GABRG3: variants seen among roughly 807,000 people sequenced by gnomAD.
GABRG3 encodes gamma-aminobutyric acid receptor subunit gamma-3.
In GABRG3, 25 loss-of-function variants were observed where a neutral mutation model predicts 48.8. The observed-to-expected ratio is 0.51, with a 90% CI of 0.37 to 0.72. The LOEUF (loss-of-function observed/expected upper bound fraction) is 0.72, where lower values mean the gene tolerates loss of function less well. Among genes scored for constraint, GABRG3 ranks in the 30% least tolerant of loss-of-function variants. The probability of loss-of-function intolerance (pLI) is 0.00; values close to 1 mark genes in which losing one functional copy is unlikely to be tolerated. For missense variants in GABRG3, 394 were observed against 577.9 expected, an observed-to-expected ratio of 0.68 and a Z score of 3.26; for synonymous variants, 227 against 217.6, an observed-to-expected ratio of 1.04 and a Z score of -0.38.
intron 3 of GABRG3, among the ~76,000 whole-genome samples, chr15:27,194,201 T>C (rs1386659824): frequency 6.6e-6 from 1 of 152,226 alleles, no homozygotes; most frequent in Admixed American, 6.5e-5. Flanking sequence ...AGTTTCTCCT[T>C]GCCTTTTGAA....
chr15:27,132,324 G>A (rs1443685163), intron 3 of GABRG3, among the ~76,000 whole-genome samples: 2 of 151,908 alleles, frequency 1.3e-5, no homozygotes, highest in South Asian at 4.1e-4. Flanking sequence ...GTGAAAGATA[G>A]GGGTCTAGTT....
In GABRG3 at chr15:27,039,060, G is replaced by A. The variant is rs116859149; in HGVS notation, c.270+12239G>A. Among the ~76,000 whole-genome samples the A allele has an allele frequency of 3.1e-4, 47 of 152,308 alleles. No homozygotes were observed. The East Asian group carries it at 7.9e-3, about 26-fold the overall frequency. On this transcript the variant is annotated intron_variant, in intron 3 of 9. Coordinates refer to ENST00000615808, the MANE Select transcript of GABRG3 (RefSeq NM_033223.5). ...GGTTGGGCTCCGTTACAAGTACAAC[G>A]GGGACGAGTGGGCACTGATGGCCAA...
At chr15:27,259,800 G>A (rs995134698) in intron 3 of GABRG3, among the ~76,000 whole-genome samples, 2 of 152,164 alleles carry the variant, frequency 1.3e-5, no homozygotes, top group African/African-American at 2.4e-5. Flanking sequence ...ATCTTGGAAG[G>A]TGGAAGGCAG....
chr15:27,204,083 C>T (rs76580946), intron 3 of GABRG3, among the ~76,000 whole-genome samples: 1,861 of 151,872 alleles, frequency 0.012, 18 homozygotes, highest in Middle Eastern at 0.02. Flanking sequence ...ATATTTTTGT[C>T]GGAATTGCTT....
chr15:27,240,126 C>A (rs1890090033), intron 3 of GABRG3, among the ~76,000 whole-genome samples: 1 of 152,214 alleles, frequency 6.6e-6, no homozygotes, highest in Admixed American at 6.5e-5. Context: ...CCACTGGGAT[C>A]TCTCACTTGC....
rs753931995 is a variant in GABRG3, at chr15:27,532,890, C to CAGAGTGA, written c.*21_*27dup. The CAGAGTGA allele has an allele frequency of 1.8e-5, 29 of 1,612,012 alleles. No individual in the cohort carries two copies. In the African/African-American group the frequency reaches 3.3e-4, roughly 19 times the overall value. Reference sequence around the variant, plus strand: ...GATACCTGTATCTCTAAGTGTTGCTCAGAGTGAAGAGTGAAGAGCATTTGG... The same window carrying CAGAGTGA: ...GATACCTGTATCTCTAAGTGTTGCTCAGAGTGAAGAGTGAAGAGTGAAGAGCATTTGG... On this transcript the variant is annotated 3_prime_UTR_variant, in exon 10 of 10. Coordinates refer to ENST00000615808, the MANE Select transcript of GABRG3 (RefSeq NM_033223.5).
chr15:27,101,801 C>T (rs1437715660), intron 3 of GABRG3, among the ~76,000 whole-genome samples: 1 of 128,958 alleles, frequency 7.8e-6, no homozygotes, highest in Non-Finnish European at 1.6e-5. Flanking sequence ...TTGTCTTAGG[C>T]CATAGATAAA....
At chr15:27,298,486 A>G (rs1892077960) in intron 3 of GABRG3, among the ~76,000 whole-genome samples, 1 of 152,098 alleles carries the variant, frequency 6.6e-6, no homozygotes, top group Non-Finnish European at 1.5e-5. Context: ...AGGTAGGGGA[A>G]TAGTCAATTA....
chr15:27,005,667 A>C (rs1895570498), intron 2 of GABRG3, among the ~76,000 whole-genome samples: 2 of 152,136 alleles, frequency 1.3e-5, no homozygotes, highest in Non-Finnish European at 2.9e-5. Context: ...CAAGGTGTCT[A>C]GTGTGAGCTT....
intron 3 of GABRG3, among the ~76,000 whole-genome samples, chr15:27,141,067 C>T (rs1218385705): frequency 6.6e-6 from 1 of 152,010 alleles, no homozygotes; most frequent in African/African-American, 2.4e-5. Context: ...TTCAGATGCC[C>T]TGCCTTAGAG....
At chr15:27,296,625 C>T (rs921589490) in intron 3 of GABRG3, among the ~76,000 whole-genome samples, 3 of 152,066 alleles carry the variant, frequency 2.0e-5, no homozygotes, top group East Asian at 1.9e-4. Context: ...AAATTCCTAT[C>T]GCCTAGTGAT....
chr15:27,401,868 T>C (rs759467980), intron 5 of GABRG3, among the ~76,000 whole-genome samples: 3 of 152,194 alleles, frequency 2.0e-5, no homozygotes, highest in Non-Finnish European at 2.9e-5. Context: ...AGGAGAATCA[T>C]GTCTTTTCAA....
intron 4 of GABRG3, among the ~76,000 whole-genome samples, chr15:27,327,695 G>T (rs956058829): frequency 2.6e-5 from 4 of 152,148 alleles, no homozygotes; most frequent in Non-Finnish European, 5.9e-5. Flanking sequence ...CTCTGAGCGG[G>T]TGGTGCTGCT....
intron 5 of GABRG3, among the ~76,000 whole-genome samples, chr15:27,430,989 CAATA>C (rs61461156): frequency 0.14 from 19,679 of 141,050 alleles, 1,423 homozygotes; most frequent in Middle Eastern, 0.28. Flanking sequence ...GTCCCTGTCT[CAATA>C]AATAAATAAA....
chr15:27,069,330 G>T (rs910552889), intron 3 of GABRG3, among the ~76,000 whole-genome samples: 1 of 152,186 alleles, frequency 6.6e-6, no homozygotes, highest in Non-Finnish European at 1.5e-5. Flanking sequence ...CATAGAGGCA[G>T]GCTACATCCC....
At chr15:27,062,590 A>G (rs1896670262) in intron 3 of GABRG3, among the ~76,000 whole-genome samples, 1 of 152,110 alleles carries the variant, frequency 6.6e-6, no homozygotes, top group South Asian at 2.1e-4. Flanking sequence ...CCTGGGCGAC[A>G]GAGAGAGACT....
rs949929581 is a variant in GABRG3 at position 27,022,096 on chromosome 15, C to G, written c.203-4658C>G. Among the ~76,000 whole-genome samples, 3 of 152,134 alleles carry G rather than the reference C, an allele frequency of 2.0e-5. No homozygotes were observed. In the South Asian group the frequency reaches 6.2e-4, roughly 32 times the overall value. ...CTGCAGAACCCATGCCCTATGAACGCATGCTGAGCCAAGCACAATTTCTCT... is the reference window on the plus strand; with the variant it reads ...CTGCAGAACCCATGCCCTATGAACGGATGCTGAGCCAAGCACAATTTCTCT... On this transcript the variant is annotated intron_variant, in intron 2 of 9. Transcript: ENST00000615808.
intron 5 of GABRG3, among the ~76,000 whole-genome samples, chr15:27,353,423 T>TATTTATTTATTTATTTA (rs1275876666): frequency 6.7e-6 from 1 of 148,526 alleles, no homozygotes; most frequent in South Asian, 2.1e-4. Flanking sequence ...GTTTTCTTTC[T>TATTTATTTATTTATTTA]TTCTATTTAT....
intron 5 of GABRG3, among the ~76,000 whole-genome samples, chr15:27,395,704 A>T (rs1417145633): frequency 6.6e-6 from 1 of 152,222 alleles, no homozygotes; most frequent in African/African-American, 2.4e-5. Context: ...TACACCTAGC[A>T]CCTTACACAA....
Sources: gnomAD v4.1 joint callset for allele counts (sites outside exome capture counted in the v4.1 genomes callset) on GRCh38, gnomAD v4.1.1 for gene constraint, MANE v1.5 for transcripts, NCBI Gene and HGNC (gene_info 2026-07-23, HGNC 2026-07-21) for gene names.